NRG1: variants seen among roughly 807,000 people sequenced by gnomAD.
NRG1 encodes the protein neuregulin 1.
Under a neutral mutation model 63.8 loss-of-function variants are expected in NRG1, and 18 were observed. The ratio of observed to expected loss-of-function variants is 0.28; its 90% confidence interval spans 0.19 to 0.42. The LOEUF (loss-of-function observed/expected upper bound fraction) is 0.42. Ranked by LOEUF, NRG1 falls within the 10% of genes least tolerant of loss-of-function variation. The pLI is 1.00. For synonymous variants in NRG1, 302 were observed against 301.3 expected, an observed-to-expected ratio of 1.00 and a Z score of -0.02; for missense variants, 762 against 814.7, an observed-to-expected ratio of 0.94 and a Z score of 0.79.
At chr8:32,053,588 CA>C (rs1187505662) in intron 1 of NRG1, among the ~76,000 whole-genome samples, 1 of 152,128 alleles carries the variant, frequency 6.6e-6, no homozygotes, top group Non-Finnish European at 1.5e-5. Flanking sequence ...GTTTAGTTAT[CA>C]AACATGTCAG....
chr8:32,161,769 C>T (rs994584596), intron 1 of NRG1, among the ~76,000 whole-genome samples: 7 of 152,168 alleles, frequency 4.6e-5, no homozygotes, highest in African/African-American at 1.7e-4. Context: ...GAAGATGGCT[C>T]CTCCATTTTC....
At chr8:32,394,959 A>G (rs1812254933) in intron 1 of NRG1, among the ~76,000 whole-genome samples, 1 of 152,206 alleles carries the variant, frequency 6.6e-6, no homozygotes, top group African/African-American at 2.4e-5. Flanking sequence ...AGATAGTATG[A>G]AATCAGTGGT....
At chr8:31,937,593 A>G (rs190613675) in intron 1 of NRG1, among the ~76,000 whole-genome samples, 2 of 152,238 alleles carry the variant, frequency 1.3e-5, no homozygotes, top group East Asian at 3.9e-4. Context: ...TGCTTTCTCA[A>G]TGGGGATGCT....
chr8:32,450,266 G>A (rs12550427), intron 1 of NRG1, among the ~76,000 whole-genome samples: 18,892 of 152,118 alleles, frequency 0.12, 1,465 homozygotes, highest in Admixed American at 0.25. Flanking sequence ...AAATCCAGGT[G>A]AAGTAGCAGC....
chr8:32,507,261 A>G (rs149077670), intron 1 of NRG1, among the ~76,000 whole-genome samples: 5 of 152,346 alleles, frequency 3.3e-5, no homozygotes, highest in African/African-American at 1.2e-4. Context: ...AGGGTAAGGC[A>G]GGTTAGTGAT....
chr8:31,819,032 C>G (rs1243347776), intron 1 of NRG1, among the ~76,000 whole-genome samples: 1 of 152,082 alleles, frequency 6.6e-6, no homozygotes, highest in South Asian at 2.1e-4. Context: ...CCAGCCCGGG[C>G]GACAGAGTGA....
At chr8:32,657,763 A>G (rs1801864702) in intron 5 of NRG1, among the ~76,000 whole-genome samples, 1 of 152,168 alleles carries the variant, frequency 6.6e-6, no homozygotes, top group South Asian at 2.1e-4. Context: ...GGAATCAGTA[A>G]CCATTGATTG....
Position 32,354,170 on chromosome 8 carries a change from A to AC in NRG1, c.38-241652dup, listed in dbSNP as rs528205496. The stretch of plus-strand genomic sequence containing the variant: ...GATCACCTGAGGTCAGGAGTTCGAG[A>AC]CCCCCCAGGCCCACATGGCAAAACC... On this transcript the variant is annotated intron_variant, in intron 1 of 10. Coordinates refer to the NRG1 transcript ENST00000519301. 4.3e-3 allele frequency among the ~76,000 whole-genome samples: 647 copies of AC among 152,004 alleles called. 3 individuals are homozygous for AC. Among genetic ancestry groups the AC allele is most frequent in the African/African-American group, 0.013 (539 of 41,462 alleles).
intron 1 of NRG1, among the ~76,000 whole-genome samples, chr8:31,801,865 C>T (rs564403616): frequency 3.9e-5 from 6 of 152,108 alleles, no homozygotes; most frequent in Admixed American, 1.3e-4. Flanking sequence ...CATTCATCCC[C>T]TTCCACTTTG....
At chr8:32,434,109 C>T (rs1818495129) in intron 1 of NRG1, among the ~76,000 whole-genome samples, 1 of 151,976 alleles carries the variant, frequency 6.6e-6, no homozygotes, top group Non-Finnish European at 1.5e-5. Flanking sequence ...TCACTTGAAC[C>T]AGGGAGTCAG....
At chr8:32,610,144 A>G (rs2129540766) in intron 3 of NRG1, among the ~76,000 whole-genome samples, 1 of 152,168 alleles carries the variant, frequency 6.6e-6, no homozygotes, top group East Asian at 1.9e-4. Context: ...TGTATTTCCA[A>G]GAAGCTCATG....
At chr8:32,758,611 A>G (rs2129056433) in intron 9 of NRG1, among the ~76,000 whole-genome samples, 1 of 149,066 alleles carries the variant, frequency 6.7e-6, no homozygotes, top group African/African-American at 2.5e-5. Flanking sequence ...AAGGAGAAGA[A>G]AAGAAAAGAA....
chr8:32,381,833 T>C (rs942267011), intron 1 of NRG1, among the ~76,000 whole-genome samples: 10 of 152,218 alleles, frequency 6.6e-5, no homozygotes, highest in African/African-American at 2.4e-4. Context: ...TGAAACATTA[T>C]TGAAATTTAC....
intron 1 of NRG1, among the ~76,000 whole-genome samples, chr8:31,822,867 A>T (rs2129603812): frequency 6.6e-6 from 1 of 152,320 alleles, no homozygotes; most frequent in Middle Eastern, 3.4e-3. Context: ...ACTTTCAGGC[A>T]AGGTTTTGCC....
chr8:32,707,256 C>T lies in NRG1; in HGVS notation c.503-20693C>T, dbSNP rs1265990905. On this transcript the variant is annotated intron_variant, in intron 5 of 11. Transcript: ENST00000356819. The stretch of plus-strand genomic sequence containing the variant: ...TGTTTACATTGATGAGTAATAATAA[C>T]AACACCTTAGTAGTTGTAACAATAT... Among the ~76,000 whole-genome samples the T allele has an allele frequency of 3.3e-5, 5 of 151,952 alleles. No homozygotes were observed. The East Asian group carries it at 7.7e-4, about 23-fold the overall frequency.
chr8:32,091,713 G>A (rs372353601), intron 1 of NRG1, among the ~76,000 whole-genome samples: 13 of 152,258 alleles, frequency 8.5e-5, no homozygotes, highest in African/African-American at 2.6e-4. Context: ...GGATGGAAAC[G>A]AAGAGCCAAA....
chr8:32,232,134 C>A lies in NRG1; in HGVS notation c.38-363694C>A, dbSNP rs181179460. Among the ~76,000 whole-genome samples, 389 of 151,942 alleles carry A rather than the reference C, an allele frequency of 2.6e-3. 2 individuals carry two copies. The highest frequency in any genetic ancestry group is 9.2e-3 in the African/African-American group (381 of 41,456). On this transcript the variant is annotated intron_variant, in intron 1 of 10. Transcript: ENST00000519301. ...GCCCAAGTTGGTCTCAAACTCCTGA[C>A]CTCAAGTGATCCTCCCACCTCAGCC...
intron 1 of NRG1, among the ~76,000 whole-genome samples, chr8:32,047,325 C>A (rs968657849): frequency 6.6e-6 from 1 of 152,006 alleles, no homozygotes; most frequent in Non-Finnish European, 1.5e-5. Flanking sequence ...TTTCATTCTA[C>A]TGACAACCTG....
chr8:32,337,068 G>T (rs1437737675), intron 1 of NRG1, among the ~76,000 whole-genome samples: 1 of 151,950 alleles, frequency 6.6e-6, no homozygotes, highest in Admixed American at 6.6e-5. Context: ...GGAGTACAGT[G>T]GTATAATCAT....
Sources: allele counts gnomAD v4.1 joint callset (sites outside exome capture counted in the v4.1 genomes callset), GRCh38; gene constraint gnomAD v4.1.1; transcripts MANE v1.5; gene names NCBI Gene and HGNC (gene_info 2026-07-23, HGNC 2026-07-21).